The following TRPV3 variants were observed in gnomAD, a reference collection of about 807,000 sequenced individuals.
TRPV3 encodes the protein transient receptor potential cation channel subfamily V member 3, also known as VRL-3.
A neutral mutation model predicts 87.1 loss-of-function variants in TRPV3; 88 were observed. The observed-to-expected ratio is 1.01, with a 90% CI of 0.85 to 1.21. The LOEUF is 1.21. Ranked by LOEUF, TRPV3 falls within the 50% of genes most tolerant of loss-of-function variation. The pLI is 0.00. For missense variants in TRPV3, 1,054 were observed against 1,030.1 expected, an observed-to-expected ratio of 1.02 and a Z score of -0.32; for synonymous variants, 438 against 423.3, an observed-to-expected ratio of 1.03 and a Z score of -0.43.
At chr17:3,535,250 T>C (rs1393381667) in intron 7 of TRPV3, among the ~76,000 whole-genome samples, 16 of 16,810 alleles carry the variant, frequency 9.5e-4, no homozygotes, top group Admixed American at 3.8e-3. Flanking sequence ...CTCCCCCTCC[T>C]TACTCCTCCT....
At chr17:3,525,583 A>G (rs1330797270) in intron 12 of TRPV3, among the ~76,000 whole-genome samples, 5 of 151,998 alleles carry the variant, frequency 3.3e-5, no homozygotes, top group African/African-American at 1.2e-4. Flanking sequence ...AATGGGTGCA[A>G]TGCTAACTTT....
Position 3,530,078 on chromosome 17 carries a change from G to A in TRPV3, c.1191C>T (p.Thr397=). Residue 397 remains threonine, a synonymous_variant, in exon 9 of 18, where the codon ACC becomes ACT. Transcript: ENST00000576742. This position sits in a 1 kb window ranked among gnomAD's most constrained non-coding sequence, Gnocchi z 4.0. The part of the protein sequence containing the change: ...SSLYDLTNVD[T]TTDNSVLEIT... Reference sequence around the variant, plus strand: ...TTTCCAGCACTGAGTTGTCCGTGGTGGTGTCCACGTTGGTGAGGTCGTAGA... The same window carrying A: ...TTTCCAGCACTGAGTTGTCCGTGGTAGTGTCCACGTTGGTGAGGTCGTAGA... 1.2e-6 allele frequency: 2 copies of A among 1,614,082 alleles called. No homozygotes were observed. Among genetic ancestry groups the A allele is most frequent in the South Asian group, 1.1e-5 (1 of 91,024 alleles).
chr17:3,519,510 T>TGGA (rs2074218242), intron 14 of TRPV3, among the ~76,000 whole-genome samples: 2 of 70,320 alleles, frequency 2.8e-5, no homozygotes, highest in African/African-American at 5.9e-5. Flanking sequence ...GGATGGGTGA[T>TGGA]TAGATGGATG....
rs368411354 is a variant in TRPV3 at position 3,555,542 on chromosome 17, G to A, written c.-2-690C>T. ...ATTAGATTCCCCTCTCACCTGCAGG[G>A]AGCAGCTGAGTCCCCTTGCCCCAGG... On this transcript the variant is annotated intron_variant, in intron 1 of 17. Transcript: ENST00000576742. 7.2e-5 allele frequency among the ~76,000 whole-genome samples: 11 copies of A among 152,258 alleles called. No individual in the cohort carries two copies. In the East Asian group the frequency reaches 7.7e-4, roughly 11 times the overall value.
At position 3,545,259 on chromosome 17, in the gene TRPV3, G is replaced by A. The variant is rs1264757369; in HGVS notation, c.132C>T (p.Phe44=). The A allele has an allele frequency of 6.2e-7, 1 of 1,613,502 alleles. No homozygotes were observed. The highest frequency in any genetic ancestry group is 8.5e-7 in the Non-Finnish European group (1 of 1,179,540). ...TGGGTTCAAACCCTTCTATCTCCAG[G>A]AAGAAGTGTGCACTGAGGGAACACG... The part of the protein sequence containing the change: ...ITPTKKSAHF[F]LEIEGFEPNP... The change falls in exon 3 of 18, where the codon TTC becomes TTT. Residue 44 remains phenylalanine (F), a synonymous_variant. Transcript: ENST00000576742.
In TRPV3 at chr17:3,512,977, C is replaced by T. The variant is rs10852861; in HGVS notation, c.*940G>A. Reference sequence around the variant, plus strand: ...AAGCCACGATCCCAGCACACAGGCACGCGCTACTGTGAGGTCAGGACGAGG... The same window carrying T: ...AAGCCACGATCCCAGCACACAGGCATGCGCTACTGTGAGGTCAGGACGAGG... On this transcript the variant is annotated 3_prime_UTR_variant, in exon 18 of 18. Coordinates refer to ENST00000576742, the MANE Select transcript of TRPV3 (RefSeq NM_145068.4). The T allele has an allele frequency of 0.93, 141,689 of 152,194 alleles. 66,792 individuals carry two copies. Among genetic ancestry groups the T allele is most frequent in the East Asian group, 1 (5,178 of 5,178 alleles). 9.4% of individuals were successfully genotyped at this position (152,194 alleles called of 1,614,324 possible).
At chr17:3,544,166 G>A (rs1416821279) in intron 4 of TRPV3, among the ~76,000 whole-genome samples, 3 of 152,204 alleles carry the variant, frequency 2.0e-5, no homozygotes, top group Admixed American at 1.3e-4. Context: ...GCGCCACCAC[G>A]CCCGGCTAAG....
At chr17:3,535,463 CTCT>C in intron 7 of TRPV3, 107 bp downstream of exon 7, 1 of 1,195,396 alleles carries the variant, frequency 8.4e-7, no homozygotes. Flanking sequence ...TCCTCCTTCC[CTCT>C]TTCTTCCCCC....
intron 12 of TRPV3, among the ~76,000 whole-genome samples, chr17:3,526,425 C>A (rs1258952527): frequency 6.6e-6 from 1 of 152,014 alleles, no homozygotes; most frequent in African/African-American, 2.4e-5. Flanking sequence ...TTGCAGTGAG[C>A]CGAGGTCACG....
chr17:3,530,502 G>T lies in TRPV3; in HGVS notation c.1066-299C>A, dbSNP rs1211384087. 2.0e-5 allele frequency among the ~76,000 whole-genome samples: 3 copies of T among 151,870 alleles called. No homozygotes were observed. The East Asian group carries it at 5.8e-4, about 29-fold the overall frequency. ...CTTGAAATGCCTCACGCCAGCTGGG[G>T]ACCCGGTTCGGTGAAAAATCCAGGC... On this transcript the variant is annotated intron_variant, in intron 8 of 17. Coordinates refer to ENST00000576742, the MANE Select transcript of TRPV3 (RefSeq NM_145068.4). The surrounding 1 kb of genome is among the most constrained non-coding windows in gnomAD (Gnocchi z 4.0).
At chr17:3,550,520 C>CTTTTTTTTTTTTTT (rs35400667) in intron 2 of TRPV3, among the ~76,000 whole-genome samples, 3 of 92,184 alleles carry the variant, frequency 3.3e-5, no homozygotes, top group African/African-American at 1.2e-4. Context: ...CCTGCCTGCT[C>CTTTTTTTTTTTTTT]TTTTTTTTTT....
rs75487373 is a variant in TRPV3, at chr17:3,532,915, T to C, written c.807A>G (p.Ala269=). 6.7e-3 allele frequency: 10,834 copies of C among 1,614,142 alleles called. 203 individuals carry two copies. The East Asian group carries it at 0.076, about 11-fold the overall frequency. ...CAATCTCGGGCTGGTTGGTGCATGC[T>C]GCCAGGGCCAGGGGCGTCTCACCTG... ...FYFGETPLAL[A]ACTNQPEIVQ... is the part of the protein sequence containing the mutation. Residue 269 remains alanine (A), a synonymous_variant, in exon 8 of 18, where the codon GCA becomes GCG. Transcript: ENST00000576742.
At chr17:3,524,926 T>C (rs1238324767) in intron 12 of TRPV3, among the ~76,000 whole-genome samples, 1 of 152,148 alleles carries the variant, frequency 6.6e-6, no homozygotes, top group African/African-American at 2.4e-5. Context: ...ATTGTATTTT[T>C]AACCAAAATG....
At chr17:3,531,298 G>A (rs1370132692) in intron 8 of TRPV3, among the ~76,000 whole-genome samples, 3 of 152,152 alleles carry the variant, frequency 2.0e-5, no homozygotes, top group African/African-American at 7.2e-5. Context: ...AGACCCAAGA[G>A]GAAGGGACTG....
chr17:3,519,475 T>TGG (rs1597467234), intron 14 of TRPV3, among the ~76,000 whole-genome samples: 1 of 146,016 alleles, frequency 6.8e-6, no homozygotes, highest in Non-Finnish European at 1.5e-5. Flanking sequence ...GATGGATGGA[T>TGG]AGATGATTGG....
At chr17:3,519,476 AGAT>A (rs2074217247) in intron 14 of TRPV3, among the ~76,000 whole-genome samples, 2 of 110,132 alleles carry the variant, frequency 1.8e-5, no homozygotes, top group Admixed American at 1.8e-4. Context: ...ATGGATGGAT[AGAT>A]GATTGGATGG....
At chr17:3,544,156 G>GCACCACCA (rs2074497325) in intron 4 of TRPV3, among the ~76,000 whole-genome samples, 2 of 152,230 alleles carry the variant, frequency 1.3e-5, no homozygotes, top group Non-Finnish European at 2.9e-5. Flanking sequence ...TTACAGGCAT[G>GCACCACCA]CGCCACCACG....
Position 3,547,554 on chromosome 17 carries a change from G to A in TRPV3, c.120-2283C>T, listed in dbSNP as rs532197647. On this transcript the variant is annotated intron_variant, in intron 2 of 17. Coordinates refer to ENST00000576742, the MANE Select transcript of TRPV3 (RefSeq NM_145068.4). Reference sequence around the variant, plus strand: ...GAGAATCACTTGGACCTGGGAGGTGGAGGTTGCAGTGAGCCAAGATCGCAC... The same window carrying A: ...GAGAATCACTTGGACCTGGGAGGTGAAGGTTGCAGTGAGCCAAGATCGCAC... 5.9e-5 allele frequency among the ~76,000 whole-genome samples: 9 copies of A among 152,318 alleles called. No homozygotes were observed. In the South Asian group the frequency reaches 6.2e-4, roughly 11 times the overall value.
rs980859262 is a variant in TRPV3 at position 3,511,351 on chromosome 17, A to C, written c.*2566T>G. Reference sequence around the variant, plus strand: ...TGATGGAATAACTGTGCTTTTTAAAAATAAATAAATAATGGCTCAGGGAGA... The same window carrying C: ...TGATGGAATAACTGTGCTTTTTAAACATAAATAAATAATGGCTCAGGGAGA... On this transcript the variant is annotated 3_prime_UTR_variant, in exon 18 of 18. Transcript: ENST00000576742. The C allele has an allele frequency of 6.6e-6, 1 of 152,228 alleles. No homozygotes were observed. Among genetic ancestry groups the C allele is most frequent in the Non-Finnish European group, 1.5e-5 (1 of 68,044 alleles). The allele number at this position is 152,228 out of a possible 1,614,324, so 9.4% of individuals were successfully genotyped here. A position where few individuals can be genotyped will look rare whatever the true frequency, so the allele number is the denominator to read the frequency against.
Sources: allele counts gnomAD v4.1 joint callset (sites outside exome capture counted in the v4.1 genomes callset), GRCh38; gene constraint gnomAD v4.1.1; non-coding constraint Gnocchi (gnomAD v3.1); transcripts MANE v1.5; gene names NCBI Gene and HGNC (gene_info 2026-07-23, HGNC 2026-07-21).